Variants in SOX13 observed in about 807,000 individuals in gnomAD.
SOX13 encodes SRY-box transcription factor 13.
A neutral mutation model predicts 71.8 loss-of-function variants in SOX13; 28 were observed. The observed-to-expected ratio is 0.39, with a 90% confidence interval of 0.29 to 0.53. The LOEUF is 0.53. Among genes scored for constraint, SOX13 ranks in the 20% least tolerant of loss-of-function variants. SOX13 has a pLI of 0.70. For synonymous variants in SOX13, 309 were observed against 317.8 expected (o/e 0.97, Z 0.29); for missense variants, 627 against 810.3 (o/e 0.77, Z 2.75).
rs1656701085 is a variant in SOX13, at chr1:204,116,682, A to G, written c.591+3A>G. 1 of 1,613,332 alleles carries G rather than the reference A, an allele frequency of 6.2e-7. No homozygotes were observed. The highest frequency in any genetic ancestry group is 8.5e-7 in the Non-Finnish European group (1 of 1,179,802). ...TTGCCCGGCAGCAGCAGGAGCAGGT[A>G]GGTCCTGTTCGGTGGGTGTAGCTTT... is the stretch of plus-strand genomic sequence containing the variant. On this transcript the variant is annotated splice_donor_region_variant and intron_variant, in intron 5 of 13. Coordinates refer to ENST00000367204, the MANE Select transcript of SOX13 (RefSeq NM_005686.3).
intron 1 of SOX13, among the ~76,000 whole-genome samples, chr1:204,085,905 G>A (rs12060062): frequency 0.18 from 27,566 of 151,380 alleles, 2,569 homozygotes; most frequent in Middle Eastern, 0.27. Flanking sequence ...GTGTGAACCC[G>A]GGAGGCGGAG....
chr1:204,104,350 C>T (rs759437211), intron 1 of SOX13, among the ~76,000 whole-genome samples: 1 of 152,196 alleles, frequency 6.6e-6, no homozygotes, highest in East Asian at 1.9e-4. Context: ...GAGAGGGACT[C>T]GCAGGAAAGC....
chr1:204,086,983 C>T (rs1279307252), intron 1 of SOX13, among the ~76,000 whole-genome samples: 1 of 151,506 alleles, frequency 6.6e-6, no homozygotes, highest in South Asian at 2.1e-4. Context: ...AGTGCAGTGG[C>T]GCGATCTTGG....
At chr1:204,116,799 G>A (rs1656704284) in intron 5 of SOX13, 120 bp downstream of exon 5, 1 of 1,511,186 alleles carries the variant, frequency 6.6e-7, no homozygotes, top group Non-Finnish European at 8.9e-7. Context: ...GGCAGGCTGG[G>A]CAGGGTCTGT....
intron 1 of SOX13, chr1:204,074,519 ACACACACG>A (rs1003000016): frequency 3.9e-5 from 6 of 152,086 alleles, no homozygotes; most frequent in African/African-American, 1.4e-4. Flanking sequence ...CCGTACGTAA[ACACACACG>A]CACACACAAG....
At position 204,122,840 on chromosome 1, in the gene SOX13, G is replaced by A. The variant is rs746583279; in HGVS notation, c.1025-14G>A. 28 of 1,506,824 alleles carry A rather than the reference G, an allele frequency of 1.9e-5. No individual in the cohort carries two copies. The highest frequency in any genetic ancestry group is 2.8e-5 in the African/African-American group (2 of 72,096). 93.3% of individuals were successfully genotyped at this position (1,506,824 alleles called of 1,614,324 possible). On this transcript the variant is annotated splice_polypyrimidine_tract_variant and intron_variant, in intron 9 of 13. Coordinates refer to ENST00000367204, the MANE Select transcript of SOX13 (RefSeq NM_005686.3). ...CTCTCGCTTCTCTTCCCTCTCTTCT[G>A]CCCTCTCCCACAGGCTTCCTTGGTG...
intron 1 of SOX13, among the ~76,000 whole-genome samples, chr1:204,092,305 C>A (rs1311838803): frequency 6.6e-6 from 1 of 151,856 alleles, no homozygotes; most frequent in African/African-American, 2.4e-5. Flanking sequence ...CCCACCACAC[C>A]TGGCCCAGAA....
chr1:204,122,374 G>A lies in SOX13; in HGVS notation c.999G>A (p.Gln333=). The A allele has an allele frequency of 6.4e-7, 1 of 1,562,872 alleles. No individual in the cohort carries two copies. Among genetic ancestry groups the A allele is most frequent in the Non-Finnish European group, 8.7e-7 (1 of 1,154,118 alleles). Residue 333 remains glutamine, a synonymous_variant, in exon 9 of 14, where the codon CAG becomes CAA. Coordinates refer to ENST00000367204, the MANE Select transcript of SOX13 (RefSeq NM_005686.3). ...ATGGAGGCCCCACGCGGGACCTGCAGTCCAGCCCCCCGAGCCTGCCTCTGG... is the reference window on the plus strand; with the variant it reads ...ATGGAGGCCCCACGCGGGACCTGCAATCCAGCCCCCCGAGCCTGCCTCTGG... ...PSHGGPTRDL[Q]SSPPSLPLGF...
At chr1:204,102,173 C>T (rs1453520628) in intron 1 of SOX13, among the ~76,000 whole-genome samples, 2 of 152,186 alleles carry the variant, frequency 1.3e-5, no homozygotes, top group Non-Finnish European at 2.9e-5. Context: ...AATGCCCAGC[C>T]CACCCCAGTA....
At chr1:204,105,425 A>ATTTTTT (rs1461685972) in intron 1 of SOX13, among the ~76,000 whole-genome samples, 6 of 68,026 alleles carry the variant, frequency 8.8e-5, no homozygotes, top group African/African-American at 7.2e-4. Context: ...TTTTTTTTTG[A>ATTTTTT]GACAGAGTCT....
At chr1:204,093,666 T>C (rs1423424131) in intron 1 of SOX13, among the ~76,000 whole-genome samples, 2 of 152,230 alleles carry the variant, frequency 1.3e-5, no homozygotes, top group Non-Finnish European at 2.9e-5. Context: ...GAAAGTAGCC[T>C]CTTCTCAAAT....
At chr1:204,085,844 G>T (rs1656006033) in intron 1 of SOX13, among the ~76,000 whole-genome samples, 1 of 151,894 alleles carries the variant, frequency 6.6e-6, no homozygotes, top group African/African-American at 2.4e-5. Context: ...GCTGGGCGTG[G>T]TGCCGGGGGC....
At chr1:204,102,852 A>G (rs1349964355) in intron 1 of SOX13, among the ~76,000 whole-genome samples, 1 of 152,152 alleles carries the variant, frequency 6.6e-6, no homozygotes, top group East Asian at 1.9e-4. Context: ...CTAGTGGTAT[A>G]TAATAGAGCC....
chr1:204,097,856 T>A (rs536501174), intron 1 of SOX13, among the ~76,000 whole-genome samples: 6 of 152,116 alleles, frequency 3.9e-5, no homozygotes, highest in Non-Finnish European at 8.8e-5. Context: ...GTTTTCTTAT[T>A]TTTAAATTTT....
chr1:204,081,038 A>G lies in SOX13; in HGVS notation c.-2+7327A>G, dbSNP rs1399065028. Among the ~76,000 whole-genome samples, 1 of 150,874 alleles carries G rather than the reference A, an allele frequency of 6.6e-6. No homozygotes were observed. Among genetic ancestry groups the G allele is most frequent in the Non-Finnish European group, 1.5e-5 (1 of 67,884 alleles). On this transcript the variant is annotated intron_variant, in intron 1 of 13. Transcript: ENST00000367204. This position sits in a 1 kb window ranked among gnomAD's most constrained non-coding sequence, Gnocchi z 4.3. Reference sequence around the variant, plus strand: ...GCAATTCTCCTGCCTCAGCCTCCTGAGTAGCTGGGATTACAGGCATGCGCG... The same window carrying G: ...GCAATTCTCCTGCCTCAGCCTCCTGGGTAGCTGGGATTACAGGCATGCGCG...
chr1:204,119,520 C>G (rs1287285365), intron 7 of SOX13: 1 of 152,210 alleles, frequency 6.6e-6, no homozygotes, highest in African/African-American at 2.4e-5. Flanking sequence ...CCTCCTAAGT[C>G]TATCACATTG....
At chr1:204,100,490 G>A (rs1402838080) in intron 1 of SOX13, among the ~76,000 whole-genome samples, 1 of 152,120 alleles carries the variant, frequency 6.6e-6, no homozygotes, top group African/African-American at 2.4e-5. Flanking sequence ...GGGATTGTTT[G>A]ATGAGCATTA....
chr1:204,089,431 C>T (rs917804535), intron 1 of SOX13, among the ~76,000 whole-genome samples: 3 of 152,312 alleles, frequency 2.0e-5, no homozygotes, highest in African/African-American at 7.2e-5. Flanking sequence ...AGATTTCTCT[C>T]TGTGAAATGA....
chr1:204,084,885 C>T (rs1229298519), intron 1 of SOX13, among the ~76,000 whole-genome samples: 1 of 152,192 alleles, frequency 6.6e-6, no homozygotes, highest in Non-Finnish European at 1.5e-5. Flanking sequence ...AGCGAATCCA[C>T]CAGCCCTGAG....
Sources: gnomAD v4.1 joint callset for allele counts (sites outside exome capture counted in the v4.1 genomes callset) on GRCh38, gnomAD v4.1.1 for gene constraint, Gnocchi (gnomAD v3.1) non-coding constraint, MANE v1.5 for transcripts, NCBI Gene and HGNC (gene_info 2026-07-23, HGNC 2026-07-21) for gene names.